Variants in PIWIL2 observed in about 807,000 individuals in gnomAD.
PIWIL2 encodes the protein piwi-like protein 2.
PIWIL2 carries 81 observed loss-of-function variants against 116.5 expected under a neutral mutation model. The observed-to-expected ratio is 0.70, with a 90% CI of 0.58 to 0.84. PIWIL2 has a LOEUF of 0.84. PIWIL2 is among the 40% of genes least tolerant of loss of function. PIWIL2 has a pLI of 0.00. For synonymous variants in PIWIL2, 489 were observed against 429.5 expected, an observed-to-expected ratio of 1.14 and a Z score of -1.71; for missense variants, 1,272 against 1,212.3, an observed-to-expected ratio of 1.05 and a Z score of -0.73.
At chr8:22,285,896 C>T (rs761457243) in intron 6 of PIWIL2, among the ~76,000 whole-genome samples, 6 of 152,122 alleles carry the variant, frequency 3.9e-5, no homozygotes, top group Non-Finnish European at 8.8e-5. Flanking sequence ...CCACCTGCCT[C>T]GGCCTCCCAA....
At chr8:22,285,302 A>G (rs1220054874) in intron 6 of PIWIL2, among the ~76,000 whole-genome samples, 1 of 152,164 alleles carries the variant, frequency 6.6e-6, no homozygotes, top group Admixed American at 6.5e-5. Flanking sequence ...TAGATTCCAT[A>G]TATGAGTGAG....
intron 13 of PIWIL2, among the ~76,000 whole-genome samples, chr8:22,307,569 A>G (rs1282519527): frequency 6.8e-6 from 1 of 146,060 alleles, no homozygotes; most frequent in East Asian, 2.0e-4. Context: ...TGCAGCCTCA[A>G]TCCCTTGGGC....
intron 20 of PIWIL2, among the ~76,000 whole-genome samples, chr8:22,327,460 C>T (rs538653459): frequency 1.3e-4 from 20 of 151,496 alleles, no homozygotes; most frequent in South Asian, 8.4e-4. Flanking sequence ...CTCCACCTCC[C>T]GGGTTGAAGC....
intron 1 of PIWIL2, among the ~76,000 whole-genome samples, chr8:22,277,951 C>T (rs935165719): frequency 2.6e-5 from 4 of 151,806 alleles, no homozygotes; most frequent in African/African-American, 9.7e-5. Flanking sequence ...GGCTGATCGC[C>T]TGAGGTCGGG....
At chr8:22,304,911 C>G (rs775970245) in intron 12 of PIWIL2, 43 bp downstream of exon 12, 1 of 1,315,400 alleles carries the variant, frequency 7.6e-7, no homozygotes, top group Non-Finnish European at 1.1e-6. Context: ...TTAAGTTCTT[C>G]ATCCTGTCAG....
At chr8:22,292,698 T>C (rs569769215) in intron 10 of PIWIL2, among the ~76,000 whole-genome samples, 2 of 152,218 alleles carry the variant, frequency 1.3e-5, no homozygotes, top group South Asian at 4.2e-4. Flanking sequence ...GCAGCGGAGG[T>C]TGGCTTTATA....
intron 16 of PIWIL2, among the ~76,000 whole-genome samples, chr8:22,311,812 T>C (rs1831338363): frequency 6.6e-6 from 1 of 152,084 alleles, no homozygotes; most frequent in African/African-American, 2.4e-5. Context: ...GTAAATAAAA[T>C]CGAACAAGAG....
intron 7 of PIWIL2, 44 bp from the exon 8 acceptor site, chr8:22,288,498 T>G: frequency 6.4e-7 from 1 of 1,557,320 alleles, no homozygotes; most frequent in Non-Finnish European, 8.8e-7. Flanking sequence ...TCATTAGTTC[T>G]TAGTTTTGTC....
At position 22,357,046 on chromosome 8, in the gene PIWIL2, T is replaced by C. The variant is rs1271379947; in HGVS notation, c.*1541T>C. 1 of 152,136 alleles carries C rather than the reference T, an allele frequency of 6.6e-6. No individual in the cohort carries two copies. The highest frequency in any genetic ancestry group is 1.9e-4 in the East Asian group (1 of 5,198). 9.4% of individuals were successfully genotyped at this position (152,136 alleles called of 1,614,324 possible). On this transcript the variant is annotated 3_prime_UTR_variant, in exon 23 of 23. Coordinates refer to ENST00000356766, the MANE Select transcript of PIWIL2 (RefSeq NM_018068.5). The stretch of plus-strand genomic sequence containing the variant: ...GAAATACCCCTTTTATATGACAATG[T>C]GTGAGAAAAGAAACTTTAGCTTAAA...
In PIWIL2 at chr8:22,290,358, G is replaced by C. The variant is rs1042140431; in HGVS notation, c.1181+12G>C. The stretch of plus-strand genomic sequence containing the variant: ...GTGCTGGATGTCATGTGAGTGAATG[G>C]TGGGGTCTATCTTTAACATGCTGAT... On this transcript the variant is annotated intron_variant, in intron 10 of 22. Transcript: ENST00000356766. 1.4e-6 allele frequency: 2 copies of C among 1,471,750 alleles called. No individual in the cohort carries two copies. Among genetic ancestry groups the C allele is most frequent in the Non-Finnish European group, 9.5e-7 (1 of 1,051,902 alleles). The allele number at this position is 1,471,750 out of a possible 1,614,324, so 91.2% of individuals were successfully genotyped here.
intron 6 of PIWIL2, among the ~76,000 whole-genome samples, chr8:22,285,430 T>A (rs1263459639): frequency 2.6e-5 from 4 of 152,178 alleles, no homozygotes; most frequent in Non-Finnish European, 2.9e-5. Context: ...TATATAGTAT[T>A]CCGTTGTGTA....
At chr8:22,288,827 A>T (rs893160163) in intron 8 of PIWIL2, among the ~76,000 whole-genome samples, 161 bp downstream of exon 8, 1 of 152,232 alleles carries the variant, frequency 6.6e-6, no homozygotes, top group Non-Finnish European at 1.5e-5. Context: ...CTTACTCAAA[A>T]ATTATCTCAC....
At chr8:22,338,649 G>A (rs979168547) in intron 20 of PIWIL2, among the ~76,000 whole-genome samples, 12 of 151,768 alleles carry the variant, frequency 7.9e-5, no homozygotes, top group Non-Finnish European at 1.5e-4. Context: ...CCAACATCAC[G>A]TCACTGCACT....
intron 10 of PIWIL2, among the ~76,000 whole-genome samples, chr8:22,298,336 C>T (rs1271268307): frequency 6.6e-6 from 1 of 152,024 alleles, no homozygotes; most frequent in Non-Finnish European, 1.5e-5. Flanking sequence ...TGACCTCACA[C>T]AAAGATCTAG....
chr8:22,291,972 G>GT (rs1286196336), intron 10 of PIWIL2, among the ~76,000 whole-genome samples: 1 of 152,166 alleles, frequency 6.6e-6, no homozygotes. Flanking sequence ...GAGAATTGCA[G>GT]TTTTAAGTGG....
At chr8:22,308,799 C>A (rs1202214612) in intron 14 of PIWIL2, among the ~76,000 whole-genome samples, 1 of 152,184 alleles carries the variant, frequency 6.6e-6, no homozygotes, top group East Asian at 1.9e-4. Context: ...CAGGCGCACA[C>A]CACCATGCCT....
chr8:22,310,574 G>A (rs1481854398), intron 15 of PIWIL2, among the ~76,000 whole-genome samples: 2 of 152,020 alleles, frequency 1.3e-5, no homozygotes, highest in African/African-American at 4.8e-5. Context: ...ATGTTTTATT[G>A]AAATATAAAC....
At chr8:22,287,483 C>G (rs774245576) in intron 6 of PIWIL2, 45 bp from the exon 7 acceptor site, 1 of 1,188,844 alleles carries the variant, frequency 8.4e-7, no homozygotes, top group South Asian at 1.2e-5. Flanking sequence ...GTAAAGATTG[C>G]AGTTTGAGTC....
chr8:22,347,044 G>A (rs1303473237), intron 20 of PIWIL2, among the ~76,000 whole-genome samples: 1 of 151,924 alleles, frequency 6.6e-6, no homozygotes, highest in African/African-American at 2.4e-5. Flanking sequence ...GGTAGTATAT[G>A]CCTGTAGTCT....
Sources: allele counts gnomAD v4.1 joint callset (sites outside exome capture counted in the v4.1 genomes callset), GRCh38; gene constraint gnomAD v4.1.1; transcripts MANE v1.5; gene names NCBI Gene and HGNC (gene_info 2026-07-23, HGNC 2026-07-21).